SRCAP: variants seen among roughly 807,000 people sequenced by gnomAD.
SRCAP encodes Snf2 related CREBBP activator protein.
A neutral mutation model predicts 263.1 loss-of-function variants in SRCAP; 46 were observed. The observed-to-expected ratio is 0.17, with a 90% CI of 0.14 to 0.22. The LOEUF is 0.22. Ranked by LOEUF, SRCAP falls within the 10% of genes least tolerant of loss-of-function variation. SRCAP has a pLI of 1.00. For missense variants in SRCAP, 3,695 were observed against 4,181.9 expected (o/e 0.88, Z 3.21); for synonymous variants, 1,813 against 1,662.1 (o/e 1.09, Z -2.21).
chr16:30,738,154 C>T lies in SRCAP; in HGVS notation c.8114C>T (p.Ser2705Phe), dbSNP rs765227425. 2 of 1,614,218 alleles carry T rather than the reference C, an allele frequency of 1.2e-6. No homozygotes were observed. The highest frequency in any genetic ancestry group is 1.7e-6 in the Non-Finnish European group (2 of 1,180,050). The change falls in exon 34 of 34, where the codon TCT becomes TTT. Residue 2705 changes from serine to phenylalanine, a missense_variant. Coordinates refer to ENST00000262518, the MANE Select transcript of SRCAP (RefSeq NM_006662.3). ...GAGGTTGCAGCTCCATCCACCTCAT[C>T]TTCAGCCACTTCCTCGCCTGAGGGT... ...TAEVAAPSTSSSATSSPEGPS... is the reference protein window; with the variant it reads ...TAEVAAPSTSFSATSSPEGPS...
intron 8 of SRCAP, 53 bp from the exon 9 acceptor site, chr16:30,710,701 T>C (rs2052879866): frequency 6.3e-7 from 1 of 1,583,138 alleles, no homozygotes; most frequent in East Asian, 2.2e-5. Flanking sequence ...TTTGTGCCAT[T>C]CTTCTGCTAC....
rs1435754582 is a variant in SRCAP at position 30,736,412 on chromosome 16, T to G, written c.6924+18T>G. ...TAGAACAGGTCAGTGCTGGACCCAC[T>G]AGTTCTTGACTTTACTGCTTCCCCT... On this transcript the variant is annotated intron_variant, in intron 32 of 33. Transcript: ENST00000262518. 1.2e-6 allele frequency: 2 copies of G among 1,605,726 alleles called. No homozygotes were observed. Among genetic ancestry groups the G allele is most frequent in the Non-Finnish European group, 1.7e-6 (2 of 1,174,186 alleles).
chr16:30,703,951 T>C, intron 3 of SRCAP, 113 bp from the exon 4 acceptor site: 1 of 1,286,654 alleles, frequency 7.8e-7, no homozygotes, highest in South Asian at 1.5e-5. Context: ...AAAATAAGGT[T>C]TATACCTTAC....
At chr16:30,705,352 G>C (rs1297411324) in intron 4 of SRCAP, among the ~76,000 whole-genome samples, 2 of 152,170 alleles carry the variant, frequency 1.3e-5, no homozygotes, top group Non-Finnish European at 2.9e-5. Context: ...TTGAAACTAT[G>C]AGGGTAGGGC....
intron 27 of SRCAP, among the ~76,000 whole-genome samples, chr16:30,729,949 G>GT (rs1413483540): frequency 6.6e-6 from 1 of 152,014 alleles, no homozygotes; most frequent in African/African-American, 2.4e-5. Context: ...TGTATTTTTA[G>GT]TAGAGATGGG....
At chr16:30,705,909 T>G (rs1041102690) in intron 4 of SRCAP, among the ~76,000 whole-genome samples, 1 of 151,916 alleles carries the variant, frequency 6.6e-6, no homozygotes, top group Non-Finnish European at 1.5e-5. Flanking sequence ...TTTCACCGTT[T>G]TAGCCAAGAT....
intron 4 of SRCAP, among the ~76,000 whole-genome samples, chr16:30,705,274 T>C (rs2052813900): frequency 6.6e-6 from 1 of 152,182 alleles, no homozygotes; most frequent in Non-Finnish European, 1.5e-5. Context: ...CACACCAGCC[T>C]GGGTAACAGT....
At chr16:30,731,687 C>G (rs1406772887) in intron 27 of SRCAP, among the ~76,000 whole-genome samples, 1 of 151,976 alleles carries the variant, frequency 6.6e-6, no homozygotes. Flanking sequence ...CATGGCGAAA[C>G]CCTGTCTCCT....
At position 30,734,141 on chromosome 16, in the gene SRCAP, G is replaced by T. The variant is rs113214113; in HGVS notation, c.6609+133G>T. On this transcript the variant is annotated intron_variant, in intron 30 of 33. Transcript: ENST00000262518. Reference sequence around the variant, plus strand: ...GCGGATCACTTGAGGCCAGGAGTTGGAGACCAGGCTGGCCAACATGATGAA... The same window carrying T: ...GCGGATCACTTGAGGCCAGGAGTTGTAGACCAGGCTGGCCAACATGATGAA... 668 of 789,178 alleles carry T rather than the reference G, an allele frequency of 8.5e-4. 3 individuals carry two copies. The African/African-American group carries it at 0.011, about 13-fold the overall frequency. 48.9% of individuals were successfully genotyped at this position (789,178 alleles called of 1,614,324 possible).
chr16:30,719,296 A>C (rs1358113735), intron 18 of SRCAP, among the ~76,000 whole-genome samples: 1 of 151,366 alleles, frequency 6.6e-6, no homozygotes. Flanking sequence ...GCTCACTGCA[A>C]GCTCCGCCCC....
At position 30,720,157 on chromosome 16, in the gene SRCAP, G is replaced by A. The variant is rs772542732; in HGVS notation, c.2818-5G>A. ...TTTATGACTGTGCTTTCTTTCTTGT[G>A]GCAGCGGATAGACATGGGTCGATTT... On this transcript the variant is annotated splice_polypyrimidine_tract_variant and splice_region_variant and intron_variant, in intron 18 of 33. Transcript: ENST00000262518. The A allele has an allele frequency of 6.3e-7, 1 of 1,599,130 alleles. No homozygotes were observed. Among genetic ancestry groups the A allele is most frequent in the Non-Finnish European group, 8.6e-7 (1 of 1,167,778 alleles).
At chr16:30,711,117 A>G (rs770436399) in intron 10 of SRCAP, 29 bp downstream of exon 10, 4 of 1,569,064 alleles carry the variant, frequency 2.5e-6, no homozygotes, top group Non-Finnish European at 3.5e-6. Flanking sequence ...TTTACTAAGC[A>G]TCCACTTGGT....
At chr16:30,722,905 A>G (rs1160544797) in intron 23 of SRCAP, 58 bp from the exon 24 acceptor site, 3 of 1,560,098 alleles carry the variant, frequency 1.9e-6, no homozygotes, top group Non-Finnish European at 2.6e-6. Context: ...GACTTCTTCC[A>G]TTCTTTGGGT....
Position 30,700,749 on chromosome 16 carries a change from C to T in SRCAP, c.-76C>T. On this transcript the variant is annotated 5_prime_UTR_variant, in exon 3 of 34. Transcript: ENST00000262518. ...AGCATGCCCTGCAGCCGGACGCCAGCCCCTCGGCCAGCAGTACTGGTGATA... is the reference window on the plus strand; with the variant it reads ...AGCATGCCCTGCAGCCGGACGCCAGTCCCTCGGCCAGCAGTACTGGTGATA... 16 of 1,429,830 alleles carry T rather than the reference C, an allele frequency of 1.1e-5. No individual in the cohort carries two copies. The highest frequency in any genetic ancestry group is 4.6e-5 in the East Asian group (2 of 43,188). The allele number at this position is 1,429,830 out of a possible 1,614,324, so 88.6% of individuals were successfully genotyped here. A position where few individuals can be genotyped will look rare whatever the true frequency, so the allele number is the denominator to read the frequency against.
intron 25 of SRCAP, chr16:30,725,419 C>G: frequency 3.4e-6 from 1 of 290,480 alleles, no homozygotes; most frequent in South Asian, 4.0e-5. Context: ...CTTTCCTGTA[C>G]TATGTATATA....
intron 19 of SRCAP, 26 bp downstream of exon 19, chr16:30,720,357 T>TG: frequency 6.3e-7 from 1 of 1,595,520 alleles, no homozygotes; most frequent in Non-Finnish European, 8.6e-7. Flanking sequence ...AATGAGGGGA[T>TG]GGTTCCTAGA....
In SRCAP at chr16:30,711,217, A is replaced by G. The variant is rs551593612; in HGVS notation, c.1318+129A>G. The G allele has an allele frequency of 2.6e-4, 186 of 722,010 alleles. 1 individual carries two copies. In the African/African-American group the frequency reaches 3.0e-3, roughly 12 times the overall value. 44.7% of individuals were successfully genotyped at this position (722,010 alleles called of 1,614,324 possible). ...ATTCCATGTCTAATGACTAAGACAG[A>G]CTTGTAAACCAGTAATGATAAGTAG... On this transcript the variant is annotated intron_variant, in intron 10 of 33. Coordinates refer to ENST00000262518, the MANE Select transcript of SRCAP (RefSeq NM_006662.3).
At position 30,737,109 on chromosome 16, in the gene SRCAP, C is replaced by T. The variant is rs1482368344; in HGVS notation, c.7069C>T (p.Pro2357Ser). 1 of 1,613,320 alleles carries T rather than the reference C, an allele frequency of 6.2e-7. No individual in the cohort carries two copies. Among genetic ancestry groups the T allele is most frequent in the Non-Finnish European group, 8.5e-7 (1 of 1,179,552 alleles). ...DQAKEEVFRLPQEEEEGPGAG... is the reference protein window; with the variant it reads ...DQAKEEVFRLSQEEEEGPGAG... ...AGCCAAGGAGGAGGTGTTCCGCCTA[C>T]CCCAAGAGGAGGAGGAGGGGCCGGG... Residue 2357 changes from proline (P) to serine (S), a missense_variant, in exon 34 of 34, where the codon CCC becomes TCC. Pro to Ser is a moderately conservative substitution (Grantham distance 74). Around this residue, in one of 12 missense-constraint regions of SRCAP, gnomAD observed 91 missense variants for 150.6 expected, o/e 0.60. Coordinates refer to ENST00000262518, the MANE Select transcript of SRCAP (RefSeq NM_006662.3).
In SRCAP at chr16:30,724,326, A is replaced by G. The variant is rs754868775; in HGVS notation, c.4902A>G (p.Pro1634=). Residue 1634 remains proline, a synonymous_variant, in exon 25 of 34, where the codon CCA becomes CCG. Transcript: ENST00000262518. Reference sequence around the variant, plus strand: ...AGACTCCGGTTCCAGTTATGGCTCCATCGTCTACTCCAGGAACCTCTTTAG... The same window carrying G: ...AGACTCCGGTTCCAGTTATGGCTCCGTCGTCTACTCCAGGAACCTCTTTAG... ...SSQTPVPVMA[P]SSTPGTSLAS... The G allele has an allele frequency of 6.2e-7, 1 of 1,614,056 alleles. No homozygotes were observed. The highest frequency in any genetic ancestry group is 2.2e-5 in the East Asian group (1 of 44,874).
Sources: gnomAD v4.1 joint callset for allele counts (sites outside exome capture counted in the v4.1 genomes callset) on GRCh38, gnomAD v4.1.1 for gene constraint, gnomAD v4.1.1 regional missense constraint, MANE v1.5 for transcripts, NCBI Gene and HGNC (gene_info 2026-07-23, HGNC 2026-07-21) for gene names.